Variants in THSD7B observed in about 807,000 individuals in gnomAD.
THSD7B encodes the protein thrombospondin type-1 domain-containing protein 7B.
In THSD7B, 138 loss-of-function variants were observed where a neutral mutation model predicts 213.6. That is an observed-to-expected ratio of 0.65 (90% confidence interval 0.56 to 0.74). THSD7B has a LOEUF of 0.74. Ranked by LOEUF, THSD7B falls within the 30% of genes least tolerant of loss-of-function variation. THSD7B has a pLI of 0.00. For synonymous variants in THSD7B, 742 were observed against 687.0 expected (o/e 1.08, Z -1.25); for missense variants, 1,931 against 1,991.5 (o/e 0.97, Z 0.58).
rs150670067 is a variant in THSD7B, at chr2:137,399,768, G to A, written c.2501-5845G>A. On this transcript the variant is annotated intron_variant, in intron 12 of 27. Transcript: ENST00000409968. Reference sequence around the variant, plus strand: ...ATCTAGAATAAGGATGTTTTCATCAGTTATTTCCTTAAATAAGGTTTCTAA... The same window carrying A: ...ATCTAGAATAAGGATGTTTTCATCAATTATTTCCTTAAATAAGGTTTCTAA... Among the ~76,000 whole-genome samples the A allele has an allele frequency of 1.3e-3, 191 of 152,192 alleles. 1 individual carries two copies. The highest frequency in any genetic ancestry group is 4.3e-3 in the African/African-American group (177 of 41,556).
At chr2:137,420,432 C>A (rs1250643879) in intron 14 of THSD7B, among the ~76,000 whole-genome samples, 6 of 152,184 alleles carry the variant, frequency 3.9e-5, no homozygotes, top group Admixed American at 2.6e-4. Context: ...ACAGTCTTGC[C>A]CGGCAGCCCT....
intron 2 of THSD7B, among the ~76,000 whole-genome samples, chr2:137,005,576 G>GGCTA (rs1193267735): frequency 6.6e-6 from 1 of 152,094 alleles, no homozygotes; most frequent in Non-Finnish European, 1.5e-5. Flanking sequence ...CTGTATTGTT[G>GGCTA]GCTACTCTGT....
chr2:137,298,523 C>G (rs929592119), intron 12 of THSD7B, among the ~76,000 whole-genome samples: 4 of 151,544 alleles, frequency 2.6e-5, no homozygotes, highest in Non-Finnish European at 5.9e-5. Context: ...GGGAAAATGT[C>G]TCCAGGCCAT....
chr2:136,904,576 C>T (rs948149044), intron 2 of THSD7B, among the ~76,000 whole-genome samples: 3 of 122,394 alleles, frequency 2.5e-5, no homozygotes, highest in South Asian at 4.7e-4. Flanking sequence ...GTGCTTGGAA[C>T]CGGGCAGAGG....
rs185317372 is a variant in THSD7B at position 136,798,423 on chromosome 2, G to A, written c.-36+32736G>A. Among the ~76,000 whole-genome samples the A allele has an allele frequency of 7.6e-4, 115 of 152,038 alleles. 1 individual carries two copies. Among genetic ancestry groups the A allele is most frequent in the Middle Eastern group, 6.8e-3 (2 of 294 alleles). On this transcript the variant is annotated intron_variant, in intron 1 of 27. Transcript: ENST00000409968. Reference sequence around the variant, plus strand: ...TCATAGATTGGATTTTGAAGGGAGCGATTATGATGGGTAGGGAAAGATCTC... The same window carrying A: ...TCATAGATTGGATTTTGAAGGGAGCAATTATGATGGGTAGGGAAAGATCTC...
intron 1 of THSD7B, among the ~76,000 whole-genome samples, chr2:136,789,981 T>G (rs1681932944): frequency 6.6e-6 from 1 of 152,074 alleles, no homozygotes; most frequent in African/African-American, 2.4e-5. Context: ...TTTTATTTCT[T>G]AAACCCATTA....
intron 1 of THSD7B, among the ~76,000 whole-genome samples, chr2:136,802,639 TTA>T (rs56719114): frequency 0.028 from 1,580 of 57,200 alleles, 13 homozygotes; most frequent in Middle Eastern, 0.033. Flanking sequence ...TGAATTAAGT[TTA>T]TATATATATA....
intron 5 of THSD7B, among the ~76,000 whole-genome samples, chr2:137,150,047 G>A (rs1242467087): frequency 1.3e-5 from 2 of 152,056 alleles, no homozygotes; most frequent in African/African-American, 4.8e-5. Context: ...TTCGAGACCA[G>A]CCTGACCAAC....
intron 15 of THSD7B, among the ~76,000 whole-genome samples, chr2:137,553,308 G>A (rs975247233): frequency 1.5e-4 from 23 of 152,124 alleles, no homozygotes; most frequent in African/African-American, 5.6e-4. Flanking sequence ...TAATGTGGTT[G>A]TTGTTAAAGG....
intron 10 of THSD7B, among the ~76,000 whole-genome samples, chr2:137,253,024 C>T (rs1682224181): frequency 6.9e-6 from 1 of 144,178 alleles, no homozygotes. Flanking sequence ...AATAGAAATG[C>T]AGTAGAATAA....
intron 12 of THSD7B, among the ~76,000 whole-genome samples, chr2:137,315,860 A>G (rs1466694091): frequency 1.3e-5 from 2 of 152,158 alleles, no homozygotes; most frequent in Non-Finnish European, 1.5e-5. Flanking sequence ...TTACTGATTC[A>G]TGTCTTCACA....
In THSD7B at chr2:137,563,369, A is replaced by G. The variant is rs754194523; in HGVS notation, c.3272+15A>G. On this transcript the variant is annotated intron_variant, in intron 16 of 27. Coordinates refer to ENST00000409968, the MANE Select transcript of THSD7B (RefSeq NM_001316349.2). Reference sequence around the variant, plus strand: ...AGGAAAATCAGGTGTGTGAAAATGGAGAGATTTGGGAAATAGGGGGAAGTG... The same window carrying G: ...AGGAAAATCAGGTGTGTGAAAATGGGGAGATTTGGGAAATAGGGGGAAGTG... The G allele has an allele frequency of 4.3e-6, 7 of 1,612,032 alleles. No homozygotes were observed. In the Admixed American group the frequency reaches 8.4e-5, roughly 19 times the overall value.
At chr2:137,035,925 C>T (rs1246236655) in intron 2 of THSD7B, among the ~76,000 whole-genome samples, 2 of 152,056 alleles carry the variant, frequency 1.3e-5, no homozygotes. Context: ...GTATCAAATC[C>T]AAAAGCAATA....
rs114423916 is a variant in THSD7B at position 137,563,031 on chromosome 2, A to G, written c.3139-190A>G. On this transcript the variant is annotated intron_variant, in intron 15 of 27. Coordinates refer to ENST00000409968, the MANE Select transcript of THSD7B (RefSeq NM_001316349.2). Reference sequence around the variant, plus strand: ...TCATATTTTAGTTGATTTCCCCTGTATGCTTCTTTAGGCAAGTCAGTAAAT... The same window carrying G: ...TCATATTTTAGTTGATTTCCCCTGTGTGCTTCTTTAGGCAAGTCAGTAAAT... Among the ~76,000 whole-genome samples the G allele has an allele frequency of 2.5e-3, 380 of 152,204 alleles. 4 individuals carry two copies. Among genetic ancestry groups the G allele is most frequent in the African/African-American group, 8.9e-3 (368 of 41,544 alleles).
intron 2 of THSD7B, among the ~76,000 whole-genome samples, chr2:137,053,210 C>T (rs1222867875): frequency 2.0e-5 from 3 of 152,046 alleles, no homozygotes; most frequent in Non-Finnish European, 4.4e-5. Flanking sequence ...AACTCATATC[C>T]AAAATTAATA....
intron 12 of THSD7B, among the ~76,000 whole-genome samples, chr2:137,345,802 C>G (rs1228244033): frequency 9.3e-5 from 14 of 151,232 alleles, no homozygotes; most frequent in Non-Finnish European, 1.8e-4. Context: ...GTGAGCAATT[C>G]AGCTGATGAA....
At chr2:137,424,520 G>A (rs1196593011) in intron 14 of THSD7B, among the ~76,000 whole-genome samples, 2 of 152,048 alleles carry the variant, frequency 1.3e-5, no homozygotes, top group Non-Finnish European at 2.9e-5. Context: ...CACATTAAAA[G>A]GATCATATAC....
chr2:136,815,491 A>G (rs949761839), intron 1 of THSD7B, among the ~76,000 whole-genome samples: 5 of 152,246 alleles, frequency 3.3e-5, no homozygotes, highest in African/African-American at 1.2e-4. Flanking sequence ...GTTGGAATCA[A>G]AAACAATGGT....
At chr2:137,533,142 C>A (rs74857577) in intron 15 of THSD7B, among the ~76,000 whole-genome samples, 36,330 of 151,410 alleles carry the variant, frequency 0.24, 4,442 homozygotes, top group South Asian at 0.31. Context: ...TATTTGTTTT[C>A]ATTTAAATCA....
Sources: allele counts gnomAD v4.1 joint callset (sites outside exome capture counted in the v4.1 genomes callset), GRCh38; gene constraint gnomAD v4.1.1; transcripts MANE v1.5; gene names NCBI Gene and HGNC (gene_info 2026-07-23, HGNC 2026-07-21).